Variants in ADGRB3 observed in about 807,000 individuals in gnomAD.
ADGRB3 encodes the protein adhesion G protein-coupled receptor B3, also known as brain-specific angiogenesis inhibitor 3.
In ADGRB3, 37 loss-of-function variants were observed where a neutral mutation model predicts 193.4. That is an observed-to-expected ratio of 0.19 (90% CI 0.15 to 0.25). The LOEUF is 0.25. Among genes scored for constraint, ADGRB3 ranks in the 10% least tolerant of loss-of-function variants. ADGRB3 has a pLI of 1.00. For missense variants in ADGRB3, 1,637 were observed against 1,852.9 expected (o/e 0.88, Z 2.14); for synonymous variants, 690 against 644.2 (o/e 1.07, Z -1.08).
At chr6:69,205,042 C>A (rs1317217104) in intron 17 of ADGRB3, among the ~76,000 whole-genome samples, 1 of 151,970 alleles carries the variant, frequency 6.6e-6, no homozygotes, top group South Asian at 2.1e-4. Flanking sequence ...TACACTTTTT[C>A]CATTAAAAGT....
Position 68,705,565 on chromosome 6 carries a change from G to A in ADGRB3, c.757+66133G>A, listed in dbSNP as rs141482561. Among the ~76,000 whole-genome samples, 24 of 152,216 alleles carry A rather than the reference G, an allele frequency of 1.6e-4. No homozygotes were observed. In the East Asian group the frequency reaches 3.9e-3, roughly 25 times the overall value. On this transcript the variant is annotated intron_variant, in intron 3 of 31. Transcript: ENST00000370598. ...TCACTCTGTGTCTGTCAGTGCCCCC[G>A]ACCACACACCTTCAGAACCAGATGG...
At chr6:68,724,085 A>G (rs945328978) in intron 3 of ADGRB3, among the ~76,000 whole-genome samples, 1 of 151,162 alleles carries the variant, frequency 6.6e-6, no homozygotes, top group African/African-American at 2.4e-5. Flanking sequence ...TAATAAAAGT[A>G]TACATGAAAT....
Position 69,119,259 on chromosome 6 carries a change from T to C in ADGRB3, c.2480+43221T>C, listed in dbSNP as rs189137188. 1.1e-4 allele frequency among the ~76,000 whole-genome samples: 17 copies of C among 152,322 alleles called. No homozygotes were observed. In the East Asian group the frequency reaches 2.7e-3, roughly 24 times the overall value. ...TAGCATGGAATTTATCAGCCAATGA[T>C]AAAATGTTAGATGAAGAGAATGAAT... On this transcript the variant is annotated intron_variant, in intron 17 of 31. Transcript: ENST00000370598.
chr6:69,234,966 A>C, intron 18 of ADGRB3, 66 bp from the exon 19 acceptor site: 1 of 1,263,094 alleles, frequency 7.9e-7, no homozygotes, highest in South Asian at 1.3e-5. Flanking sequence ...AGCTTTGCTG[A>C]GTCTAGAAGT....
chr6:69,156,543 T>C (rs183850049), intron 17 of ADGRB3, among the ~76,000 whole-genome samples: 10 of 152,296 alleles, frequency 6.6e-5, no homozygotes, highest in Admixed American at 4.6e-4. Flanking sequence ...TGGGGTCAGA[T>C]CACATGGGGT....
intron 17 of ADGRB3, among the ~76,000 whole-genome samples, chr6:69,172,512 C>A (rs1041502617): frequency 4.0e-5 from 6 of 151,156 alleles, no homozygotes; most frequent in African/African-American, 1.5e-4. Flanking sequence ...GGCATGGTGG[C>A]GGGTGCCTGT....
intron 23 of ADGRB3, 51 bp from the exon 24 acceptor site, chr6:69,332,872 C>G (rs768985009): frequency 1.6e-5 from 25 of 1,603,164 alleles, no homozygotes; most frequent in Non-Finnish European, 2.1e-5. Flanking sequence ...GAAACAGGGA[C>G]CTGATTCCCT....
chr6:69,055,812 T>TG (rs1178882780), intron 15 of ADGRB3, among the ~76,000 whole-genome samples: 1 of 152,002 alleles, frequency 6.6e-6, no homozygotes, highest in Non-Finnish European at 1.5e-5. Flanking sequence ...TTTTTGTTTT[T>TG]TTTTGTTTTG....
chr6:69,069,773 T>G (rs1467973250), intron 16 of ADGRB3, among the ~76,000 whole-genome samples: 1 of 147,962 alleles, frequency 6.8e-6, no homozygotes, highest in Non-Finnish European at 1.5e-5. Context: ...AGAAAAAAAT[T>G]TATGAACAAA....
At chr6:69,077,286 C>G (rs1163391295) in intron 17 of ADGRB3, among the ~76,000 whole-genome samples, 7 of 151,852 alleles carry the variant, frequency 4.6e-5, no homozygotes, top group Non-Finnish European at 8.8e-5. Flanking sequence ...GTGGTATAAT[C>G]TAAGCTGCAC....
At chr6:69,374,117 C>T (rs955749764) in intron 30 of ADGRB3, among the ~76,000 whole-genome samples, 4 of 152,022 alleles carry the variant, frequency 2.6e-5, no homozygotes, top group African/African-American at 9.7e-5. Flanking sequence ...TTGCTGTAAT[C>T]ACTGCATGAT....
intron 20 of ADGRB3, among the ~76,000 whole-genome samples, chr6:69,281,563 A>C (rs907135959): frequency 7.2e-5 from 11 of 152,178 alleles, no homozygotes; most frequent in African/African-American, 2.7e-4. Flanking sequence ...AGGAGGGTCT[A>C]AGCTTTTAGC....
intron 30 of ADGRB3, among the ~76,000 whole-genome samples, chr6:69,382,315 A>G (rs899512688): frequency 1.3e-5 from 2 of 151,900 alleles, no homozygotes; most frequent in East Asian, 1.9e-4. Context: ...TACATCCCAC[A>G]TATATTTCAG....
At chr6:69,144,547 G>A (rs1694706645) in intron 17 of ADGRB3, among the ~76,000 whole-genome samples, 1 of 152,136 alleles carries the variant, frequency 6.6e-6, no homozygotes, top group South Asian at 2.1e-4. Context: ...CCATGGGTCT[G>A]TTTTAAATGG....
chr6:68,725,977 G>T (rs2127327641), intron 3 of ADGRB3, among the ~76,000 whole-genome samples: 1 of 151,628 alleles, frequency 6.6e-6, no homozygotes, highest in Middle Eastern at 3.4e-3. Flanking sequence ...CAATTTTGCA[G>T]AACATAAAGG....
intron 10 of ADGRB3, among the ~76,000 whole-genome samples, chr6:68,983,978 T>C (rs532750147): frequency 3.3e-5 from 5 of 152,234 alleles, no homozygotes; most frequent in Non-Finnish European, 7.4e-5. Flanking sequence ...GCACATTCCA[T>C]GTAGCGAAAA....
intron 28 of ADGRB3, among the ~76,000 whole-genome samples, chr6:69,358,442 A>G (rs1769379056): frequency 6.6e-6 from 1 of 151,912 alleles, no homozygotes; most frequent in African/African-American, 2.4e-5. Flanking sequence ...CCCGGGCCTC[A>G]TTGTATGCTG....
intron 17 of ADGRB3, among the ~76,000 whole-genome samples, chr6:69,096,682 T>G (rs575532191): frequency 4.6e-5 from 7 of 152,194 alleles, no homozygotes; most frequent in Admixed American, 2.0e-4. Context: ...TCTACTGATA[T>G]GACCCTGTTC....
intron 17 of ADGRB3, among the ~76,000 whole-genome samples, chr6:69,093,212 T>A (rs1772766938): frequency 6.7e-6 from 1 of 149,726 alleles, no homozygotes; most frequent in South Asian, 2.1e-4. Context: ...CAAAACAGGC[T>A]AAGGGAGAGA....
Sources: allele counts gnomAD v4.1 joint callset (sites outside exome capture counted in the v4.1 genomes callset), GRCh38; gene constraint gnomAD v4.1.1; transcripts MANE v1.5; gene names NCBI Gene and HGNC (gene_info 2026-07-23, HGNC 2026-07-21).